Variants in DOCK4 observed in about 807,000 individuals in gnomAD.
DOCK4 encodes dedicator of cytokinesis 4.
DOCK4 carries 97 observed loss-of-function variants against 268.1 expected under a neutral mutation model. The observed-to-expected ratio is 0.36, with a 90% CI of 0.31 to 0.43. The LOEUF is 0.43. Among genes scored for constraint, DOCK4 ranks in the 20% least tolerant of loss-of-function variants. The pLI is 1.00. For synonymous variants in DOCK4, 954 were observed against 887.2 expected (o/e 1.08, Z -1.34); for missense variants, 2,145 against 2,455.7 (o/e 0.87, Z 2.67).
chr7:111,933,314 GAGATGGAGT>G (rs1794422609), intron 12 of DOCK4, among the ~76,000 whole-genome samples: 1 of 46,502 alleles, frequency 2.2e-5, no homozygotes, highest in East Asian at 4.4e-4. Context: ...TTTTTTTTTT[GAGATGGAGT>G]CTCTCTCTGT....
At chr7:112,104,261 G>A (rs532830904) in intron 1 of DOCK4, among the ~76,000 whole-genome samples, 12 of 152,266 alleles carry the variant, frequency 7.9e-5, no homozygotes, top group African/African-American at 2.6e-4. Flanking sequence ...TTTCACAACA[G>A]ATGTGTTATT....
At chr7:112,197,903 T>C (rs1160315595) in intron 1 of DOCK4, among the ~76,000 whole-genome samples, 2 of 150,578 alleles carry the variant, frequency 1.3e-5, no homozygotes, top group African/African-American at 2.5e-5. Flanking sequence ...ATCTCAAAAA[T>C]TGCAGGTATC....
intron 1 of DOCK4, among the ~76,000 whole-genome samples, chr7:112,150,595 C>T (rs1246191825): frequency 6.6e-6 from 1 of 152,146 alleles, no homozygotes; most frequent in Non-Finnish European, 1.5e-5. Context: ...GTTCAGCATC[C>T]TAATACCATT....
chr7:111,826,886 T>C (rs1802437092), intron 26 of DOCK4, among the ~76,000 whole-genome samples: 1 of 152,164 alleles, frequency 6.6e-6, no homozygotes, highest in Admixed American at 6.5e-5. Flanking sequence ...AAAAATTTTT[T>C]AAAATCTATA....
chr7:111,910,093 T>C (rs1791968698), intron 13 of DOCK4, among the ~76,000 whole-genome samples: 1 of 151,990 alleles, frequency 6.6e-6, no homozygotes, highest in African/African-American at 2.4e-5. Context: ...CCAATGGATA[T>C]GTGGGAACAA....
intron 1 of DOCK4, among the ~76,000 whole-genome samples, chr7:112,148,407 G>A (rs902491156): frequency 2.0e-5 from 3 of 152,042 alleles, no homozygotes; most frequent in African/African-American, 7.2e-5. Flanking sequence ...GTTTTTAAAG[G>A]CATAAAAATC....
At chr7:111,782,457 T>C (rs1798841085) in intron 35 of DOCK4, among the ~76,000 whole-genome samples, 1 of 152,188 alleles carries the variant, frequency 6.6e-6, no homozygotes, top group Admixed American at 6.5e-5. Flanking sequence ...GTGGACTGCA[T>C]ATCACTCTGT....
At chr7:111,904,620 T>C (rs1336029010) in intron 13 of DOCK4, among the ~76,000 whole-genome samples, 1 of 152,102 alleles carries the variant, frequency 6.6e-6, no homozygotes, top group Non-Finnish European at 1.5e-5. Context: ...ATCTCTTCTT[T>C]ACAAAAGAGA....
At chr7:111,834,802 T>C in intron 25 of DOCK4, 116 bp from the exon 26 acceptor site, 1 of 655,046 alleles carries the variant, frequency 1.5e-6, no homozygotes. Flanking sequence ...ATCACGATGA[T>C]CCAAACTTGC....
At chr7:112,147,010 T>C (rs1214444800) in intron 1 of DOCK4, among the ~76,000 whole-genome samples, 2 of 152,140 alleles carry the variant, frequency 1.3e-5, no homozygotes, top group Non-Finnish European at 2.9e-5. Context: ...AAATGATATA[T>C]AACTATCATG....
chr7:111,845,820 T>G (rs943717773), intron 24 of DOCK4, among the ~76,000 whole-genome samples: 5 of 152,134 alleles, frequency 3.3e-5, no homozygotes, highest in Non-Finnish European at 7.3e-5. Context: ...TTCTGTGCAG[T>G]GAACTATCTA....
intron 28 of DOCK4, among the ~76,000 whole-genome samples, chr7:111,811,588 A>G (rs1801136217): frequency 6.6e-6 from 1 of 152,156 alleles, no homozygotes. Context: ...TCTAAAAAGT[A>G]AAAAACACTA....
chr7:111,948,185 C>T (rs1795774686), intron 8 of DOCK4, among the ~76,000 whole-genome samples: 1 of 152,130 alleles, frequency 6.6e-6, no homozygotes, highest in South Asian at 2.1e-4. Context: ...CTCATTTTAT[C>T]CTCACTATGC....
chr7:112,187,504 T>C (rs1445203278), intron 1 of DOCK4, among the ~76,000 whole-genome samples: 1 of 152,232 alleles, frequency 6.6e-6, no homozygotes, highest in Non-Finnish European at 1.5e-5. Flanking sequence ...TTTCTTGCTC[T>C]GCCTCTCCAT....
intron 1 of DOCK4, among the ~76,000 whole-genome samples, chr7:112,140,084 A>T (rs927569378): frequency 6.6e-6 from 1 of 152,206 alleles, no homozygotes; most frequent in African/African-American, 2.4e-5. Context: ...ATGGAACAAC[A>T]CAGGTCCCAG....
intron 1 of DOCK4, among the ~76,000 whole-genome samples, chr7:112,110,396 T>C (rs1193902249): frequency 6.6e-6 from 1 of 152,182 alleles, no homozygotes; most frequent in Non-Finnish European, 1.5e-5. Flanking sequence ...CTACTACGTG[T>C]CCATCCATCT....
chr7:111,886,680 T>C (rs1807873099), intron 16 of DOCK4, among the ~76,000 whole-genome samples: 1 of 152,074 alleles, frequency 6.6e-6, no homozygotes, highest in Admixed American at 6.6e-5. Context: ...TATGAGACTA[T>C]GGGGACACGA....
intron 15 of DOCK4, among the ~76,000 whole-genome samples, chr7:111,897,270 G>A (rs1168199981): frequency 1.3e-5 from 2 of 151,962 alleles, no homozygotes; most frequent in Non-Finnish European, 2.9e-5. Flanking sequence ...ACTGGCACCT[G>A]ACACATGTGA....
chr7:111,826,434 C>G (rs184547344), intron 26 of DOCK4, among the ~76,000 whole-genome samples: 1 of 152,242 alleles, frequency 6.6e-6, no homozygotes, highest in African/African-American at 2.4e-5. Flanking sequence ...GATTTTTTAA[C>G]TGTACCATAT....
Sources: gnomAD v4.1 joint callset for allele counts (sites outside exome capture counted in the v4.1 genomes callset) on GRCh38, gnomAD v4.1.1 for gene constraint, MANE v1.5 for transcripts, NCBI Gene and HGNC (gene_info 2026-07-23, HGNC 2026-07-21) for gene names.